Variants in NR1H4 observed in about 807,000 individuals in gnomAD.
NR1H4 encodes the protein nuclear receptor subfamily 1 group H member 4.
In NR1H4, 23 loss-of-function variants were observed where a neutral mutation model predicts 58.5. The observed-to-expected ratio is 0.39, with a 90% CI of 0.28 to 0.56. The LOEUF (loss-of-function observed/expected upper bound fraction) is 0.56, where lower values mean the gene tolerates loss of function less well. Ranked by LOEUF, NR1H4 falls within the 20% of genes least tolerant of loss-of-function variation. The pLI is 0.58. For missense variants in NR1H4, 487 were observed against 576.9 expected (o/e 0.84, Z 1.60); for synonymous variants, 214 against 198.0 (o/e 1.08, Z -0.68).
At chr12:100,498,322 C>T (rs1177107983) in intron 3 of NR1H4, among the ~76,000 whole-genome samples, 1 of 152,130 alleles carries the variant, frequency 6.6e-6, no homozygotes, top group Non-Finnish European at 1.5e-5. Flanking sequence ...AAAGAACTTT[C>T]AAGGGGCCAG....
chr12:100,502,886 A>T (rs1035532278), intron 3 of NR1H4, among the ~76,000 whole-genome samples: 1 of 152,168 alleles, frequency 6.6e-6, no homozygotes, highest in African/African-American at 2.4e-5. Context: ...CTTACTCACT[A>T]CCACGAGAAC....
chr12:100,477,770 C>T (rs1312453758), intron 1 of NR1H4, among the ~76,000 whole-genome samples: 2 of 151,944 alleles, frequency 1.3e-5, no homozygotes, highest in East Asian at 1.9e-4. Context: ...CAGCCTGGGG[C>T]TTAAGGAGCA....
At chr12:100,498,479 A>T (rs1330625803) in intron 3 of NR1H4, among the ~76,000 whole-genome samples, 1 of 152,078 alleles carries the variant, frequency 6.6e-6, no homozygotes, top group Non-Finnish European at 1.5e-5. Flanking sequence ...TCTCTACTAA[A>T]TATACAAAAT....
intron 9 of NR1H4, among the ~76,000 whole-genome samples, chr12:100,545,076 G>A (rs998985331): frequency 6.6e-6 from 1 of 152,118 alleles, no homozygotes; most frequent in African/African-American, 2.4e-5. Flanking sequence ...TCTGGTGGTT[G>A]TTCTATCTTT....
chr12:100,485,128 G>T (rs1398679869), intron 1 of NR1H4, among the ~76,000 whole-genome samples: 1 of 152,210 alleles, frequency 6.6e-6, no homozygotes, highest in African/African-American at 2.4e-5. Flanking sequence ...GTCACATTCT[G>T]CAGCTCTATT....
intron 3 of NR1H4, among the ~76,000 whole-genome samples, chr12:100,494,354 T>G (rs1376628255): frequency 6.6e-6 from 1 of 152,228 alleles, no homozygotes; most frequent in Non-Finnish European, 1.5e-5. Flanking sequence ...ATTATTTACA[T>G]GTGTACCTGC....
chr12:100,485,123 A>T (rs746103525), intron 1 of NR1H4, among the ~76,000 whole-genome samples: 2 of 152,236 alleles, frequency 1.3e-5, no homozygotes, highest in African/African-American at 2.4e-5. Context: ...GCCCAGTCAC[A>T]TTCTGCAGCT....
At chr12:100,537,309 G>A (rs943391705) in intron 8 of NR1H4, among the ~76,000 whole-genome samples, 4 of 152,062 alleles carry the variant, frequency 2.6e-5, no homozygotes, top group African/African-American at 4.8e-5. Flanking sequence ...AGTAACTGTC[G>A]AACTACTATA....
At chr12:100,550,037 C>G (rs1005223072) in intron 9 of NR1H4, among the ~76,000 whole-genome samples, 1 of 152,184 alleles carries the variant, frequency 6.6e-6, no homozygotes, top group Admixed American at 6.5e-5. Context: ...GATGTGAAAT[C>G]TCTTTTCTTG....
intron 1 of NR1H4, among the ~76,000 whole-genome samples, chr12:100,486,157 T>C (rs1953487504): frequency 6.6e-6 from 1 of 152,160 alleles, no homozygotes; most frequent in Non-Finnish European, 1.5e-5. Flanking sequence ...TTCCAGGTCA[T>C]GCGTGAAGCT....
intron 1 of NR1H4, among the ~76,000 whole-genome samples, chr12:100,486,203 C>T (rs1356638192): frequency 6.6e-6 from 1 of 152,126 alleles, no homozygotes; most frequent in African/African-American, 2.4e-5. Flanking sequence ...CCCTTAATCT[C>T]CTCATGTCTC....
Position 100,532,594 on chromosome 12 carries a change from T to G in NR1H4, c.582T>G (p.Ala194=), listed in dbSNP as rs930385513. ...LRKCKEMGML[A]ECMYTGLLTE... ...AATGCAAAGAGATGGGAATGTTGGC[T>G]GAATGTATGTATACAGGTATTCACT... The change falls in exon 5 of 11, where the codon GCT becomes GCG. Residue 194 remains alanine, a synonymous_variant. Transcript: ENST00000392986. 1.9e-6 allele frequency: 3 copies of G among 1,613,980 alleles called. No homozygotes were observed. Among genetic ancestry groups the G allele is most frequent in the Non-Finnish European group, 2.5e-6 (3 of 1,179,952 alleles).
intron 9 of NR1H4, among the ~76,000 whole-genome samples, chr12:100,560,065 G>A (rs564766586): frequency 1.3e-5 from 2 of 152,104 alleles, no homozygotes; most frequent in Admixed American, 6.5e-5. Flanking sequence ...TGCACCAATC[G>A]ACACTCTGTA....
chr12:100,552,237 G>A (rs1191814106), intron 9 of NR1H4, among the ~76,000 whole-genome samples: 2 of 152,206 alleles, frequency 1.3e-5, no homozygotes, highest in African/African-American at 4.8e-5. Flanking sequence ...GCCCTGGTGA[G>A]ACCTAATTAG....
At chr12:100,482,805 A>G (rs570133718) in intron 1 of NR1H4, among the ~76,000 whole-genome samples, 1 of 152,330 alleles carries the variant, frequency 6.6e-6, no homozygotes, top group African/African-American at 2.4e-5. Context: ...CCTCAACTCC[A>G]GGTGCTTCTT....
At position 100,517,190 on chromosome 12, in the gene NR1H4, C is replaced by T. The variant is rs373053556; in HGVS notation, c.445+6047C>T. Among the ~76,000 whole-genome samples, 9 of 152,112 alleles carry T rather than the reference C, an allele frequency of 5.9e-5. No homozygotes were observed. The East Asian group carries it at 1.7e-3, about 29-fold the overall frequency. On this transcript the variant is annotated intron_variant, in intron 4 of 10. Transcript: ENST00000392986. ...CTAATTTCACTGTCCCCTTCTCCCC[C>T]CATCCTCCTCATCCTCTCATAACTA...
chr12:100,552,365 G>A (rs1326134597), intron 9 of NR1H4, among the ~76,000 whole-genome samples: 1 of 152,140 alleles, frequency 6.6e-6, no homozygotes, highest in Non-Finnish European at 1.5e-5. Flanking sequence ...GATGGCAGCT[G>A]TTTACTTAGG....
rs577380099 is a variant in NR1H4 at position 100,481,900 on chromosome 12, C to T, written c.-190+7841C>T. ...CTGCACTCCAGCCTGGGTGACAGAGCGAGACTCCATCTCAAAAAAATAAAA... is the reference window on the plus strand; with the variant it reads ...CTGCACTCCAGCCTGGGTGACAGAGTGAGACTCCATCTCAAAAAAATAAAA... On this transcript the variant is annotated intron_variant, in intron 1 of 10. Coordinates refer to ENST00000392986, the MANE Select transcript of NR1H4 (RefSeq NM_001206979.2). Among the ~76,000 whole-genome samples the T allele has an allele frequency of 3.8e-4, 58 of 150,716 alleles. 1 individual carries two copies. The South Asian group carries it at 9.7e-3, about 25-fold the overall frequency.
intron 9 of NR1H4, among the ~76,000 whole-genome samples, chr12:100,554,700 C>T (rs1333046163): frequency 6.6e-6 from 1 of 152,090 alleles, no homozygotes; most frequent in East Asian, 1.9e-4. Context: ...AAATAGCCCC[C>T]CCTTGTGACC....
Sources: allele counts gnomAD v4.1 joint callset (sites outside exome capture counted in the v4.1 genomes callset), GRCh38; gene constraint gnomAD v4.1.1; transcripts MANE v1.5; gene names NCBI Gene and HGNC (gene_info 2026-07-23, HGNC 2026-07-21).